MDN1: variants seen among roughly 807,000 people sequenced by gnomAD.
MDN1 encodes the protein midasin AAA ATPase 1.
MDN1 carries 266 observed loss-of-function variants against 669.2 expected under a neutral mutation model. That is an observed-to-expected ratio of 0.40 (90% CI 0.36 to 0.44). The LOEUF is 0.44. MDN1 is among the 20% of genes least tolerant of loss of function. MDN1 has a pLI of 1.00. For synonymous variants in MDN1, 2,385 were observed against 2,457.1 expected, an observed-to-expected ratio of 0.97 and a Z score of 0.87; for missense variants, 5,940 against 6,754.0, an observed-to-expected ratio of 0.88 and a Z score of 4.22.
At chr6:89,753,074 G>C (rs1817039043) in intron 22 of MDN1, among the ~76,000 whole-genome samples, 1 of 151,804 alleles carries the variant, frequency 6.6e-6, no homozygotes, top group Admixed American at 6.6e-5. Flanking sequence ...CGTGAGCTGA[G>C]ATTACACTAC....
chr6:89,715,848 A>G (rs9362673), intron 44 of MDN1, 79 bp from the exon 45 acceptor site: 5 of 911,392 alleles, frequency 5.5e-6, no homozygotes, highest in East Asian at 4.9e-5. Flanking sequence ...CGGGGCTCCA[A>G]ATGCTTTTGA....
At chr6:89,778,931 T>TAAA (rs748156380) in intron 11 of MDN1, among the ~76,000 whole-genome samples, 1 of 137,986 alleles carries the variant, frequency 7.2e-6, no homozygotes, top group African/African-American at 2.9e-5. Flanking sequence ...AATAAATAAA[T>TAAA]AAAAAAAAAG....
intron 61 of MDN1, 48 bp from the exon 62 acceptor site, chr6:89,694,231 T>A: frequency 6.8e-7 from 1 of 1,481,354 alleles, no homozygotes; most frequent in Non-Finnish European, 9.4e-7. Flanking sequence ...GCTATGACCA[T>A]GCACATGAGG....
rs763693833 is a variant in MDN1 at position 89,732,553 on chromosome 6, A to G, written c.4942+4T>C. The stretch of plus-strand genomic sequence containing the variant: ...TTGTCCCCACCAGCTACCAGACAAC[A>G]TACCTGAACCTATTCCATCTATGTA... On this transcript the variant is annotated splice_donor_region_variant and intron_variant, in intron 34 of 101. Coordinates refer to ENST00000369393, the MANE Select transcript of MDN1 (RefSeq NM_014611.3). 1.9e-6 allele frequency: 3 copies of G among 1,613,784 alleles called. No homozygotes were observed. The East Asian group carries it at 6.7e-5, about 36-fold the overall frequency.
In MDN1 at chr6:89,688,800, G is replaced by A. The variant is rs201292166; in HGVS notation, c.11032C>T (p.Leu3678=). 8.1e-6 allele frequency: 13 copies of A among 1,613,648 alleles called. No individual in the cohort carries two copies. The highest frequency in any genetic ancestry group is 2.7e-5 in the African/African-American group (2 of 74,926). ...TGGCTGCCCAAGAGTCGGTCATTCAGTTCAACTCCTGTGAAGTTAACATCA... is the reference window on the plus strand; with the variant it reads ...TGGCTGCCCAAGAGTCGGTCATTCAATTCAACTCCTGTGAAGTTAACATCA... The part of the protein sequence containing the change: ...THFYPLMGVE[L]NDRLLGSQLL... The change falls in exon 66 of 102, where the codon CTG becomes TTG. Residue 3678 remains leucine, a synonymous_variant. Coordinates refer to ENST00000369393, the MANE Select transcript of MDN1 (RefSeq NM_014611.3).
chr6:89,732,351 T>TG (rs1297049780), intron 34 of MDN1, among the ~76,000 whole-genome samples: 1 of 152,058 alleles, frequency 6.6e-6, no homozygotes, highest in East Asian at 1.9e-4. Flanking sequence ...GTTAAGTACC[T>TG]GGTCTACCAG....
intron 33 of MDN1, 107 bp downstream of exon 33, chr6:89,738,219 T>C: frequency 1.5e-6 from 2 of 1,295,314 alleles, no homozygotes; most frequent in South Asian, 3.4e-5. Context: ...TTTCTTCTTA[T>C]AACACACCAT....
At position 89,698,882 on chromosome 6, in the gene MDN1, A is replaced by T; in HGVS notation, c.9151T>A (p.Leu3051Met). 2 of 1,614,058 alleles carry T rather than the reference A, an allele frequency of 1.2e-6. No homozygotes were observed. The highest frequency in any genetic ancestry group is 1.7e-6 in the Non-Finnish European group (2 of 1,179,994). The change falls in exon 59 of 102, where the codon TTG becomes ATG. Residue 3051 changes from leucine (L) to methionine (M), a missense_variant. This residue lies in a region of MDN1 where 2,292 missense variants were observed against 2,638.3 expected (regional missense o/e 0.87). Coordinates refer to ENST00000369393, the MANE Select transcript of MDN1 (RefSeq NM_014611.3). ...MQQREAPKSV[L>M]DSTLKGPGNL... ...CAACAAACCTTCAATGTGGAGTCCA[A>T]AACAGACTTGGGTGCCTCCCTCTGC...
rs1813993089 is a variant in MDN1, at chr6:89,712,249, G to A, written c.7438C>T (p.Pro2480Ser). The stretch of plus-strand genomic sequence containing the variant: ...TTCTCTAAGTCTTGCAAGGTAAAAG[G>A]CTGACTCCTGAAATTCATTTGAATG... The part of the protein sequence containing the change: ...MKTSSWTRSQ[P>S]FTLQDLEKIM... The change falls in exon 49 of 102, where the codon CCT becomes TCT. Residue 2480 changes from proline (P) to serine (S), a missense_variant. This residue lies in a region of MDN1 where 2,292 missense variants were observed against 2,638.3 expected (regional missense o/e 0.87). Transcript: ENST00000369393. 6.2e-7 allele frequency: 1 copy of A among 1,613,042 alleles called. No homozygotes were observed. The highest frequency in any genetic ancestry group is 8.5e-7 in the Non-Finnish European group (1 of 1,179,318).
In MDN1 at chr6:89,789,830, T is replaced by C. The variant is rs115347653; in HGVS notation, c.1180A>G (p.Met394Val). 3.7e-6 allele frequency: 6 copies of C among 1,614,026 alleles called. No individual in the cohort carries two copies. In the East Asian group the frequency reaches 1.1e-4, roughly 30 times the overall value. ...TCCTCCAGAAGGATCCAGTGGCCCATTGTGGCTGCCTGTGTCAGGGTGCCA... is the reference window on the plus strand; with the variant it reads ...TCCTCCAGAAGGATCCAGTGGCCCACTGTGGCTGCCTGTGTCAGGGTGCCA... Reference protein sequence around the residue: ...QPGTLTQAATMGHWILLEDID... With the variant: ...QPGTLTQAATVGHWILLEDID... The change falls in exon 7 of 102, where the codon ATG becomes GTG. Residue 394 changes from methionine (M) to valine (V), a missense_variant. Met to Val is a conservative substitution (Grantham distance 21). Around this residue, in one of 5 missense-constraint regions of MDN1, gnomAD observed 1,203 missense variants for 1,268.9 expected, o/e 0.95. Transcript: ENST00000369393.
Position 89,789,864 on chromosome 6 carries a change from C to T in MDN1, c.1146G>A (p.Val382=), listed in dbSNP as rs745410293. The change falls in exon 7 of 102, where the codon GTG becomes GTA. Residue 382 remains valine (V), a synonymous_variant. Transcript: ENST00000369393. ...CCTGTGTCAGGGTGCCAGGCTGCCACACAAACTCTCCAGGAACATCTGTGC... is the reference window on the plus strand; with the variant it reads ...CCTGTGTCAGGGTGCCAGGCTGCCATACAAACTCTCCAGGAACATCTGTGC... ...YRCTDVPGEF[V]WQPGTLTQAA... is the part of the protein sequence containing the mutation. The T allele has an allele frequency of 1.8e-5, 29 of 1,613,942 alleles. No individual in the cohort carries two copies. The highest frequency in any genetic ancestry group is 3.3e-4 in the Middle Eastern group (2 of 6,084).
intron 2 of MDN1, 144 bp downstream of exon 2, chr6:89,803,184 G>T: frequency 1.4e-6 from 1 of 728,916 alleles, no homozygotes; most frequent in Non-Finnish European, 2.3e-6. Flanking sequence ...ATTCTGCTGT[G>T]ACTCTTTTTA....
In MDN1 at chr6:89,700,266, C is replaced by A. The variant is rs773304868; in HGVS notation, c.8667G>T (p.Gln2889His). The A allele has an allele frequency of 6.2e-7, 1 of 1,614,178 alleles. No individual in the cohort carries two copies. Among genetic ancestry groups the A allele is most frequent in the Non-Finnish European group, 8.5e-7 (1 of 1,180,014 alleles). ...GTCCTTTGGCTTTCAGTTCTAAACA[C>A]TGAGCATGCACAAAATTCTTCAATT... ...LDELKNFVHA[Q>H]CLELKAKGLS... The change falls in exon 57 of 102, where the codon CAG becomes CAT. Residue 2889 changes from glutamine to histidine, a missense_variant. Coordinates refer to ENST00000369393, the MANE Select transcript of MDN1 (RefSeq NM_014611.3).
At chr6:89,676,693 A>T (rs1429124738) in intron 76 of MDN1, among the ~76,000 whole-genome samples, 1 of 152,196 alleles carries the variant, frequency 6.6e-6, no homozygotes, top group Non-Finnish European at 1.5e-5. Flanking sequence ...CACTTCGTGA[A>T]TTTTCCTGAA....
At chr6:89,799,239 C>T (rs1767473843) in intron 2 of MDN1, among the ~76,000 whole-genome samples, 1 of 152,154 alleles carries the variant, frequency 6.6e-6, no homozygotes, top group Non-Finnish European at 1.5e-5. Context: ...TTCATAAAGG[C>T]TGTGACTGGG....
Position 89,698,875 on chromosome 6 carries a change from G to C in MDN1, c.9158C>G (p.Ser3053Cys). 6.2e-7 allele frequency: 1 copy of C among 1,613,630 alleles called. No individual in the cohort carries two copies. Among genetic ancestry groups the C allele is most frequent in the Non-Finnish European group, 8.5e-7 (1 of 1,179,886 alleles). ...TTTAGACCAACAAACCTTCAATGTG[G>C]AGTCCAAAACAGACTTGGGTGCCTC... is the stretch of plus-strand genomic sequence containing the variant. ...QREAPKSVLD[S>C]TLKGPGNLNR... Residue 3053 changes from serine (S) to cysteine (C), a missense_variant, in exon 59 of 102, where the codon TCC (serine) becomes TGC (cysteine). Transcript: ENST00000369393.
At chr6:89,757,019 A>C (rs1817290089) in intron 19 of MDN1, among the ~76,000 whole-genome samples, 1 of 152,176 alleles carries the variant, frequency 6.6e-6, no homozygotes, top group African/African-American at 2.4e-5. Flanking sequence ...GCAATAAAAA[A>C]CAAGCCCCCT....
chr6:89,719,767 C>T (rs116828624), intron 40 of MDN1, among the ~76,000 whole-genome samples: 2 of 152,118 alleles, frequency 1.3e-5, no homozygotes, highest in Non-Finnish European at 2.9e-5. Context: ...GGTTGGTGAC[C>T]GATTTTAAAT....
Position 89,719,165 on chromosome 6 carries a change from G to C in MDN1, c.6028C>G (p.Leu2010Val). ...ACATCATAGGGAGTGATACGAAATA[G>C]TCTGGTTCCCATGTATGGGTTGGAA... ...SNSNPYMGTR[L>V]FRITPYDVQL... The change falls in exon 41 of 102, where the codon CTA becomes GTA. Residue 2010 changes from leucine (L) to valine (V), a missense_variant. Coordinates refer to ENST00000369393, the MANE Select transcript of MDN1 (RefSeq NM_014611.3). 1.2e-6 allele frequency: 2 copies of C among 1,613,804 alleles called. No individual in the cohort carries two copies. Among genetic ancestry groups the C allele is most frequent in the Non-Finnish European group, 1.7e-6 (2 of 1,179,688 alleles).
Sources: gnomAD v4.1 joint callset for allele counts (sites outside exome capture counted in the v4.1 genomes callset) on GRCh38, gnomAD v4.1.1 for gene constraint, gnomAD v4.1.1 regional missense constraint, MANE v1.5 for transcripts, NCBI Gene and HGNC (gene_info 2026-07-23, HGNC 2026-07-21) for gene names.